The following HKDC1 variants were observed in gnomAD, a reference collection of about 807,000 sequenced individuals.
HKDC1 encodes hexokinase domain containing 1.
In HKDC1, 66 loss-of-function variants were observed where a neutral mutation model predicts 96.6. The observed-to-expected ratio is 0.68, with a 90% CI of 0.56 to 0.84. The LOEUF (loss-of-function observed/expected upper bound fraction) is 0.84. Among genes scored for constraint, HKDC1 ranks in the 40% least tolerant of loss-of-function variants. HKDC1 has a pLI of 0.00. For synonymous variants in HKDC1, 466 were observed against 473.1 expected, an observed-to-expected ratio of 0.98 and a Z score of 0.20; for missense variants, 1,211 against 1,208.1, an observed-to-expected ratio of 1.00 and a Z score of -0.04.
chr10:69,227,268 G>A lies in HKDC1; in HGVS notation c.125G>A (p.Arg42Gln), dbSNP rs145939161. 34,918 of 1,614,140 alleles carry A rather than the reference G, an allele frequency of 0.022. 524 individuals carry two copies. The highest frequency in any genetic ancestry group is 0.027 in the Non-Finnish European group (31,623 of 1,180,026). Residue 42 changes from arginine (R) to glutamine (Q), a missense_variant, in exon 2 of 18, where the codon CGG becomes CAG. Physicochemically the swap from Arg to Gln is conservative, Grantham distance 43 (BLOSUM62 1). Transcript: ENST00000354624. ...SDDTLLDIMRRFRAEMEKGLA... is the reference protein window; with the variant it reads ...SDDTLLDIMRQFRAEMEKGLA... ...GACACCCTTTTGGACATCATGAGGCGGTTCCGGGCTGAGATGGAGAAGGGC... is the reference window on the plus strand; with the variant it reads ...GACACCCTTTTGGACATCATGAGGCAGTTCCGGGCTGAGATGGAGAAGGGC...
Position 69,248,740 on chromosome 10 carries a change from C to A in HKDC1, c.1570+12C>A. ...GCCGGACGGCACAGGTGGGCCAGCA[C>A]AGCCTCCCTCTCTGAACAGCCATCC... On this transcript the variant is annotated intron_variant, in intron 10 of 17. Transcript: ENST00000354624. 1 of 1,582,786 alleles carries A rather than the reference C, an allele frequency of 6.3e-7. No homozygotes were observed. The highest frequency in any genetic ancestry group is 8.6e-7 in the Non-Finnish European group (1 of 1,161,102).
At position 69,226,819 on chromosome 10, in the gene HKDC1, G is replaced by A. The variant is rs1399227608; in HGVS notation, c.64-388G>A. On this transcript the variant is annotated intron_variant, in intron 1 of 17. Transcript: ENST00000354624. The stretch of plus-strand genomic sequence containing the variant: ...AAAGCTTCCATGTTTAGAAATCTAC[G>A]ATTCAAGCTCTAGCTGGCCTTTTTT... Among the ~76,000 whole-genome samples the A allele has an allele frequency of 3.3e-5, 5 of 152,178 alleles. No individual in the cohort carries two copies. The East Asian group carries it at 7.7e-4, about 23-fold the overall frequency.
At chr10:69,259,089 T>C in intron 15 of HKDC1, 130 bp downstream of exon 15, 2 of 723,428 alleles carry the variant, frequency 2.8e-6, no homozygotes, top group Non-Finnish European at 4.1e-6. Context: ...AAATATCCTA[T>C]TGGAACAAAA....
At chr10:69,224,867 T>G (rs1474767745) in intron 1 of HKDC1, among the ~76,000 whole-genome samples, 1 of 152,218 alleles carries the variant, frequency 6.6e-6, no homozygotes, top group African/African-American at 2.4e-5. Flanking sequence ...AAAAGTGGGC[T>G]TGGTTTTCTG....
rs759834765 is a variant in HKDC1, at chr10:69,250,522, T to G, written c.1717-11T>G. 1 of 1,614,054 alleles carries G rather than the reference T, an allele frequency of 6.2e-7. No homozygotes were observed. The highest frequency in any genetic ancestry group is 8.5e-7 in the Non-Finnish European group (1 of 1,180,008). On this transcript the variant is annotated splice_polypyrimidine_tract_variant and intron_variant, in intron 11 of 17. Transcript: ENST00000354624. Reference sequence around the variant, plus strand: ...CGCCTGGTGTGAATGCCGCTCTCTCTCTCTCTGCAGCTCTTTGATCACATT... The same window carrying G: ...CGCCTGGTGTGAATGCCGCTCTCTCGCTCTCTGCAGCTCTTTGATCACATT...
intron 16 of HKDC1, chr10:69,261,915 C>T: frequency 4.7e-6 from 1 of 211,708 alleles, no homozygotes; most frequent in Non-Finnish European, 9.9e-6. Context: ...TGGATTGCAG[C>T]ATTTAGCATT....
At chr10:69,259,419 A>G (rs1388979294) in intron 15 of HKDC1, among the ~76,000 whole-genome samples, 1 of 152,212 alleles carries the variant, frequency 6.6e-6, no homozygotes, top group Admixed American at 6.5e-5. Flanking sequence ...ACGGGTCACA[A>G]TCACTTGTGA....
chr10:69,220,945 T>C (rs1843051534), intron 1 of HKDC1, among the ~76,000 whole-genome samples: 1 of 151,920 alleles, frequency 6.6e-6, no homozygotes, highest in African/African-American at 2.4e-5. Context: ...AGGTCAGGAG[T>C]TCGAGACCAG....
rs1240641805 is a variant in HKDC1, at chr10:69,257,337, T to C, written c.1943T>C (p.Leu648Pro). 1.4e-5 allele frequency: 23 copies of C among 1,613,568 alleles called. No individual in the cohort carries two copies. Among genetic ancestry groups the C allele is most frequent in the Middle Eastern group, 1.6e-4 (1 of 6,062 alleles). Residue 648 changes from leucine to proline, a missense_variant, in exon 14 of 18, where the codon CTG becomes CCG. Leu to Pro is a moderately conservative substitution (Grantham distance 98). Transcript: ENST00000354624. ...EAIKRRNEFDLDIVAVVNDTV... is the reference protein window; with the variant it reads ...EAIKRRNEFDPDIVAVVNDTV... ...TGTTTTTGTTTTTAGGAGTTTGACCTGGACATTGTTGCAGTCGTGAATGAT... is the reference window on the plus strand; with the variant it reads ...TGTTTTTGTTTTTAGGAGTTTGACCCGGACATTGTTGCAGTCGTGAATGAT...
chr10:69,235,443 A>G (rs1843345710), intron 4 of HKDC1, among the ~76,000 whole-genome samples: 1 of 124,100 alleles, frequency 8.1e-6, no homozygotes, highest in East Asian at 2.9e-4. Context: ...CAAACAAAAA[A>G]CAACAACAAG....
chr10:69,248,586 G>A lies in HKDC1; in HGVS notation c.1428G>A (p.Leu476=). The A allele has an allele frequency of 6.2e-7, 1 of 1,614,164 alleles. No homozygotes were observed. The highest frequency in any genetic ancestry group is 1.1e-5 in the South Asian group (1 of 91,086). Reference sequence around the variant, plus strand: ...AGCAGATCGACAGGGTGCTGGCTTTGTTCCAGCTGACCCGAGAGCAGCTCG... The same window carrying A: ...AGCAGATCGACAGGGTGCTGGCTTTATTCCAGCTGACCCGAGAGCAGCTCG... ...QRKQIDRVLA[L]FQLTREQLVD... The change falls in exon 10 of 18, where the codon TTG becomes TTA. Residue 476 remains leucine (L), a synonymous_variant. Transcript: ENST00000354624.
intron 4 of HKDC1, among the ~76,000 whole-genome samples, chr10:69,235,230 T>A (rs1843342026): frequency 2.0e-5 from 3 of 152,144 alleles, no homozygotes; most frequent in Non-Finnish European, 1.5e-5. Flanking sequence ...AAGACCAGCC[T>A]GGCCAACATG....
intron 2 of HKDC1, 188 bp from the exon 3 acceptor site, chr10:69,232,576 T>A: frequency 1.6e-6 from 1 of 609,212 alleles, no homozygotes; most frequent in East Asian, 2.8e-5. Flanking sequence ...TTAGTTCACA[T>A]CTCAGCTCTG....
At chr10:69,266,169 G>A (rs1471424786) in intron 17 of HKDC1, among the ~76,000 whole-genome samples, 2 of 152,252 alleles carry the variant, frequency 1.3e-5, no homozygotes, top group African/African-American at 4.8e-5. Context: ...AGAAATGTAA[G>A]TTGGCTGAGT....
At chr10:69,258,987 G>A in intron 15 of HKDC1, 28 bp downstream of exon 15, 1 of 1,502,020 alleles carries the variant, frequency 6.7e-7, no homozygotes, top group Non-Finnish European at 8.9e-7. Context: ...GTGCATTTAT[G>A]TGGGTTGTGT....
At chr10:69,258,174 G>A (rs1843749078) in intron 14 of HKDC1, among the ~76,000 whole-genome samples, 1 of 152,210 alleles carries the variant, frequency 6.6e-6, no homozygotes, top group South Asian at 2.1e-4. Context: ...CACTTTGTGA[G>A]CTTGGGCAGG....
intron 1 of HKDC1, among the ~76,000 whole-genome samples, chr10:69,220,805 G>A (rs780576810): frequency 6.6e-6 from 1 of 152,152 alleles, no homozygotes; most frequent in African/African-American, 2.4e-5. Context: ...ATGTTTGCTC[G>A]GAAAGGCCAC....
At chr10:69,248,346 G>T in intron 9 of HKDC1, 78 bp from the exon 10 acceptor site, 1 of 1,448,652 alleles carries the variant, frequency 6.9e-7, no homozygotes, top group Middle Eastern at 2.1e-4. Flanking sequence ...CCGGGACTGG[G>T]TTTACTGCTG....
chr10:69,243,436 C>A, intron 7 of HKDC1, 71 bp downstream of exon 7: 2 of 1,332,640 alleles, frequency 1.5e-6, no homozygotes, highest in Admixed American at 5.2e-5. Flanking sequence ...CCCCTGGCTA[C>A]CTGGGAGGCT....
Sources: allele counts gnomAD v4.1 joint callset (sites outside exome capture counted in the v4.1 genomes callset), GRCh38; gene constraint gnomAD v4.1.1; transcripts MANE v1.5; gene names NCBI Gene and HGNC (gene_info 2026-07-23, HGNC 2026-07-21).